Variants in CIRSR observed in about 807,000 individuals in gnomAD.
The protein encoded by CIRSR is CBF1 (RBPJ) interacting corepressor 1.
the CIRSR span, among the ~76,000 whole-genome samples, chr2:174,355,816 G>A: frequency 6.6e-6 from 1 of 152,204 alleles, no homozygotes; most frequent in African/African-American, 2.4e-5. Context: ...TTCTGGCTAT[G>A]AGGAAATGGC....
At chr2:174,395,403 G>A in the CIRSR span, 2 of 753,356 alleles carry the variant, frequency 2.7e-6, no homozygotes, top group Non-Finnish European at 4.5e-6. Context: ...GAGCTGCTCA[G>A]CAGAGAAAGG....
chr2:174,375,408 G>T, the CIRSR span, among the ~76,000 whole-genome samples: 1 of 152,180 alleles, frequency 6.6e-6, no homozygotes, highest in Non-Finnish European at 1.5e-5. Flanking sequence ...AGGAGTTTGA[G>T]ACCAGCCTGG....
chr2:174,383,597 G>A, the CIRSR span, among the ~76,000 whole-genome samples: 2 of 151,504 alleles, frequency 1.3e-5, no homozygotes, highest in Non-Finnish European at 2.9e-5. Context: ...GCAGGCACCT[G>A]TAGTCCCAGC....
chr2:174,385,184 C>T, the CIRSR span, among the ~76,000 whole-genome samples: 4 of 144,956 alleles, frequency 2.8e-5, no homozygotes, highest in African/African-American at 5.2e-5. Flanking sequence ...CACTGCACTC[C>T]AGCCTGGGCA....
At chr2:174,394,029 CA>C in the CIRSR span, among the ~76,000 whole-genome samples, 5 of 152,136 alleles carry the variant, frequency 3.3e-5, no homozygotes, top group Non-Finnish European at 5.9e-5. Flanking sequence ...AAGAGGCCAA[CA>C]ATATTTGGTA....
chr2:174,351,718 C>T, the CIRSR span: 14 of 1,611,488 alleles, frequency 8.7e-6, 1 homozygote, highest in South Asian at 1.1e-4. Context: ...AGGGGTGCAT[C>T]GATGGCCCTG....
chr2:174,391,213 T>C, the CIRSR span, among the ~76,000 whole-genome samples: 23,612 of 152,198 alleles, frequency 0.16, 2,296 homozygotes, highest in Non-Finnish European at 0.23. Context: ...TGACAGGGTT[T>C]TGAAAAGGAT....
At chr2:174,377,805 A>G in the CIRSR span, among the ~76,000 whole-genome samples, 1 of 138,170 alleles carries the variant, frequency 7.2e-6, no homozygotes, top group Non-Finnish European at 1.5e-5. Context: ...AGCCTGGGCA[A>G]CAGAGCCAGA....
chr2:174,387,613 A>T, the CIRSR span: 1 of 1,469,144 alleles, frequency 6.8e-7, no homozygotes, highest in Non-Finnish European at 9.1e-7. Flanking sequence ...CTGACTTAAT[A>T]TATCATTCAG....
the CIRSR span, among the ~76,000 whole-genome samples, chr2:174,357,844 C>T: frequency 6.6e-6 from 1 of 152,108 alleles, no homozygotes; most frequent in Non-Finnish European, 1.5e-5. Context: ...AAAAAGTGAA[C>T]AAAGCTATTA....
At chr2:174,348,882 G>C in the CIRSR span, 1 of 1,614,212 alleles carries the variant, frequency 6.2e-7, no homozygotes, top group African/African-American at 1.3e-5. Context: ...GTGACTGCTA[G>C]AAAGTTCTTC....
chr2:174,393,507 TTTTC>T, the CIRSR span, among the ~76,000 whole-genome samples: 1 of 152,076 alleles, frequency 6.6e-6, no homozygotes, highest in African/African-American at 2.4e-5. Context: ...ACAATTAGAA[TTTTC>T]TTTCTTTCTT....
chr2:174,354,612 TATA>T, the CIRSR span, among the ~76,000 whole-genome samples: 233 of 70,796 alleles, frequency 3.3e-3, 3 homozygotes, highest in Non-Finnish European at 4.7e-3. Flanking sequence ...TATTATATTA[TATA>T]TTTTATATAT....
At chr2:174,390,126 G>C in the CIRSR span, among the ~76,000 whole-genome samples, 1 of 152,150 alleles carries the variant, frequency 6.6e-6, no homozygotes, top group African/African-American at 2.4e-5. Context: ...CAGTATAGTA[G>C]ATCCACCAAC....
chr2:174,358,942 T>C, the CIRSR span, among the ~76,000 whole-genome samples: 1 of 151,274 alleles, frequency 6.6e-6, no homozygotes, highest in African/African-American at 2.4e-5. Context: ...GAACTCCTGA[T>C]TTCAGCCTCT....
the CIRSR span, among the ~76,000 whole-genome samples, chr2:174,374,179 G>A: frequency 2.0e-5 from 3 of 152,208 alleles, no homozygotes; most frequent in African/African-American, 7.2e-5. Context: ...ATCATTTAAA[G>A]TCATCCAAGT....
chr2:174,380,494 G>A, the CIRSR span, among the ~76,000 whole-genome samples: 41 of 152,044 alleles, frequency 2.7e-4, no homozygotes, highest in African/African-American at 9.7e-4. Flanking sequence ...CTATGAGCAA[G>A]CAGATTAGTT....
At chr2:174,383,314 C>A in the CIRSR span, among the ~76,000 whole-genome samples, 1 of 152,208 alleles carries the variant, frequency 6.6e-6, no homozygotes, top group East Asian at 1.9e-4. Context: ...TTGGATAATG[C>A]AAATGTTCTG....
At chr2:174,387,890 C>T in the CIRSR span, 3 of 898,276 alleles carry the variant, frequency 3.3e-6, no homozygotes, top group Non-Finnish European at 4.8e-6. Context: ...CAGGAGTGCC[C>T]AATCTTTTGG....
Sources: gnomAD v4.1 joint callset for allele counts (sites outside exome capture counted in the v4.1 genomes callset) on GRCh38, gnomAD v4.1.1 for gene constraint, MANE v1.5 for transcripts, NCBI Gene and HGNC (gene_info 2026-07-23, HGNC 2026-07-21) for gene names.